The following SMG5 variants were observed in gnomAD, a reference collection of about 807,000 sequenced individuals.
SMG5 encodes the protein SMG5 nonsense mediated mRNA decay factor.
In SMG5, 53 loss-of-function variants were observed where a neutral mutation model predicts 122.9. The observed-to-expected ratio is 0.43, with a 90% CI of 0.35 to 0.54. SMG5 has a LOEUF of 0.54. Among genes scored for constraint, SMG5 ranks in the 20% least tolerant of loss-of-function variants. The pLI is 0.01. For synonymous variants in SMG5, 477 were observed against 490.2 expected, an observed-to-expected ratio of 0.97 and a Z score of 0.35; for missense variants, 1,153 against 1,285.6, an observed-to-expected ratio of 0.90 and a Z score of 1.58.
At chr1:156,268,535 T>A in intron 7 of SMG5, 120 bp from the exon 8 acceptor site, 1 of 1,288,412 alleles carries the variant, frequency 7.8e-7, no homozygotes, top group Non-Finnish European at 1.1e-6. Context: ...AGCTTCCATG[T>A]ACATACGCAG....
intron 13 of SMG5, 29 bp downstream of exon 13, chr1:156,263,366 G>A: frequency 6.3e-7 from 1 of 1,589,550 alleles, no homozygotes; most frequent in South Asian, 1.1e-5. Context: ...CCTGGGACCT[G>A]ACAGGGGCAA....
rs145457977 is a variant in SMG5 at position 156,265,844 on chromosome 1, G to C, written c.1792C>G (p.Pro598Ala). 2 of 1,614,100 alleles carry C rather than the reference G, an allele frequency of 1.2e-6. No homozygotes were observed. Among genetic ancestry groups the C allele is most frequent in the African/African-American group, 2.7e-5 (2 of 74,936 alleles). Residue 598 changes from proline to alanine, a missense_variant, in exon 12 of 22, where the codon CCT becomes GCT. Around this residue, in one of 5 missense-constraint regions of SMG5, gnomAD observed 631 missense variants for 650.6 expected, o/e 0.97. Coordinates refer to ENST00000361813, the MANE Select transcript of SMG5 (RefSeq NM_015327.3). ...SNLLLQPTTN[P>A]HTSASHRPCV... The stretch of plus-strand genomic sequence containing the variant: ...GGCCTGTGGCTGGCCGAGGTATGAG[G>C]GTTGGTGGTGGGCTGGAGGAGCAGG...
In SMG5 at chr1:156,278,000, A is replaced by G; in HGVS notation, c.222T>C (p.Tyr74=). 6.2e-7 allele frequency: 1 copy of G among 1,614,146 alleles called. No individual in the cohort carries two copies. The highest frequency in any genetic ancestry group is 1.1e-5 in the South Asian group (1 of 91,090). The change falls in exon 3 of 22, where the codon TAT becomes TAC. Residue 74 remains tyrosine, a synonymous_variant. Transcript: ENST00000361813. ...VKLMFLHPVD[Y]GRKAEELLWR... ...ACAGCAGCTCCTCAGCCTTTCTCCC[A>G]TAGTCCACTGGGTGCAGGAACATAA...
intron 20 of SMG5, 152 bp downstream of exon 20, chr1:156,251,251 G>T: frequency 1.0e-6 from 1 of 993,980 alleles, no homozygotes; most frequent in Non-Finnish European, 1.6e-6. Flanking sequence ...CGGCAACTTC[G>T]TACTCCTCGC....
chr1:156,290,852 T>C, the SMG5 span: 1 of 83,798 alleles, frequency 1.2e-5, no homozygotes. Context: ...TAATAATAAT[T>C]TAAAAAATCA....
intron 16 of SMG5, among the ~76,000 whole-genome samples, chr1:156,256,954 TCTCG>T (rs1364315571): frequency 1.4e-5 from 2 of 147,360 alleles, no homozygotes; most frequent in East Asian, 4.0e-4. Context: ...CCAGACAGAG[TCTCG>T]CTCTGTCGCT....
In SMG5 at chr1:156,280,103, G is replaced by A. The variant is rs144266594; in HGVS notation, c.75-1069C>T. Among the ~76,000 whole-genome samples, 317 of 152,298 alleles carry A rather than the reference G, an allele frequency of 2.1e-3. 3 individuals are homozygous for A. The highest frequency in any genetic ancestry group is 0.015 in the South Asian group (70 of 4,822). On this transcript the variant is annotated intron_variant, in intron 1 of 21. Transcript: ENST00000361813. ...CTTCTTGTTCTAAGGCTGAGGGGGA[G>A]ACTCCAGGCACTAAGAGGTAAGTCT...
rs559135808 is a variant in SMG5, at chr1:156,260,548, G to C, written c.2186C>G (p.Pro729Arg). 1.9e-6 allele frequency: 3 copies of C among 1,564,404 alleles called. No homozygotes were observed. The African/African-American group carries it at 4.2e-5, about 22-fold the overall frequency. ...LPDLPSSLLL[P>R]EDMALRNLPP... ...CAGGTTACGAAGAGCCATGTCCTCT[G>C]GGAGCAGAAGGCTAGAGGGGAGGTC... The change falls in exon 15 of 22, where the codon CCA becomes CGA. Residue 729 changes from proline (P) to arginine (R), a missense_variant. By Grantham distance (103) the Pro-to-Arg change is moderately radical. Transcript: ENST00000361813.
At chr1:156,284,466 G>C (rs1416331927), upstream of SMG5, 1 of 152,284 alleles carries the variant, frequency 6.6e-6, no homozygotes, top group African/African-American at 2.4e-5. Context: ...ATAAAGGAAG[G>C]GAATCAGTCC....
Position 156,267,467 on chromosome 1 carries a change from T to A in SMG5, c.1117+3A>T. On this transcript the variant is annotated splice_donor_region_variant and intron_variant, in intron 10 of 21. Transcript: ENST00000361813. ...GAGAAAAGAGGAACATAGGGAAGGTTACCTGCTCTCTCCAAGCTGTGCACA... is the reference window on the plus strand; with the variant it reads ...GAGAAAAGAGGAACATAGGGAAGGTAACCTGCTCTCTCCAAGCTGTGCACA... The A allele has an allele frequency of 6.2e-7, 1 of 1,613,996 alleles. No homozygotes were observed. The highest frequency in any genetic ancestry group is 8.5e-7 in the Non-Finnish European group (1 of 1,179,902).
rs1661701941 is a variant in SMG5, at chr1:156,259,127, G to A, written c.2320C>T (p.His774Tyr). 1.2e-6 allele frequency: 2 copies of A among 1,603,710 alleles called. No individual in the cohort carries two copies. The highest frequency in any genetic ancestry group is 8.5e-7 in the Non-Finnish European group (1 of 1,175,238). ...CTGCCTTGCAGGCGGGCGATGAAATGACCAAAGCTGCGGATGCAGCAGATG... is the reference window on the plus strand; with the variant it reads ...CTGCCTTGCAGGCGGGCGATGAAATAACCAAAGCTGCGGATGCAGCAGATG... ...VRICCIRSFG[H>Y]FIARLQGSIL... The change falls in exon 16 of 22, where the codon CAT (histidine) becomes TAT (tyrosine). Residue 774 changes from histidine to tyrosine, a missense_variant. His to Tyr is a moderately conservative substitution (Grantham distance 83). This residue lies in a region of SMG5 where 631 missense variants were observed against 650.6 expected (regional missense o/e 0.97). Coordinates refer to ENST00000361813, the MANE Select transcript of SMG5 (RefSeq NM_015327.3).
In SMG5 at chr1:156,274,688, T is replaced by C; in HGVS notation, c.455-2A>G. The C allele has an allele frequency of 6.2e-7, 1 of 1,613,198 alleles. No homozygotes were observed. The highest frequency in any genetic ancestry group is 1.1e-5 in the South Asian group (1 of 91,062). Reference sequence around the variant, plus strand: ...AGGCAGACACTGGCTTCTTGCATCCTATGAGACAAAGAGAAAGAGATTTGT... The same window carrying C: ...AGGCAGACACTGGCTTCTTGCATCCCATGAGACAAAGAGAAAGAGATTTGT... On this transcript the variant is annotated splice_acceptor_variant, in intron 4 of 21. Coordinates refer to ENST00000361813, the MANE Select transcript of SMG5 (RefSeq NM_015327.3). LOFTEE classifies it high-confidence loss of function.
chr1:156,265,694 TCA>T, intron 12 of SMG5, 85 bp downstream of exon 12: 2 of 1,538,246 alleles, frequency 1.3e-6, no homozygotes, highest in Non-Finnish European at 1.8e-6. Flanking sequence ...GAGAGGTCAT[TCA>T]CACAGATAGG....
chr1:156,265,900 C>T lies in SMG5; in HGVS notation c.1736G>A (p.Arg579His), dbSNP rs376384052. 4.2e-5 allele frequency: 67 copies of T among 1,614,012 alleles called. No homozygotes were observed. Among genetic ancestry groups the T allele is most frequent in the Non-Finnish European group, 5.3e-5 (63 of 1,180,028 alleles). ...AAAGGTGGGGGCCAGTCGGAAGCAGCGCTTAGTCTGGAACATCTGGGTGGA... is the reference window on the plus strand; with the variant it reads ...AAAGGTGGGGGCCAGTCGGAAGCAGTGCTTAGTCTGGAACATCTGGGTGGA... ...AMSTQMFQTKRCFRLAPTFSN... is the reference protein window; with the variant it reads ...AMSTQMFQTKHCFRLAPTFSN... Residue 579 changes from arginine to histidine, a missense_variant, in exon 12 of 22, where the codon CGC becomes CAC. Around this residue, in one of 5 missense-constraint regions of SMG5, gnomAD observed 631 missense variants for 650.6 expected, o/e 0.97. Coordinates refer to ENST00000361813, the MANE Select transcript of SMG5 (RefSeq NM_015327.3).
At chr1:156,253,903 A>G (rs1299372227) in intron 16 of SMG5, 1 of 286,140 alleles carries the variant, frequency 3.5e-6, no homozygotes, top group Non-Finnish European at 7.0e-6. Flanking sequence ...AAAATCTTCC[A>G]AATCTGCAGA....
rs1343651070 is a variant in SMG5 at position 156,282,719 on chromosome 1, C to T, written c.-39G>A. On this transcript the variant is annotated 5_prime_UTR_variant, in exon 1 of 22. Coordinates refer to ENST00000361813, the MANE Select transcript of SMG5 (RefSeq NM_015327.3). ...GGGGGCAGCTCCCGGTCACAGGCCC[C>T]TGCCACCCACCACTACCGCCAACAC... 3.2e-6 allele frequency: 5 copies of T among 1,564,864 alleles called. No individual in the cohort carries two copies. The highest frequency in any genetic ancestry group is 4.3e-6 in the Non-Finnish European group (5 of 1,161,266).
At chr1:156,264,806 AC>A (rs1304387535) in intron 12 of SMG5, among the ~76,000 whole-genome samples, 2 of 152,084 alleles carry the variant, frequency 1.3e-5, no homozygotes, top group Non-Finnish European at 2.9e-5. Context: ...TAGGAAGATC[AC>A]CTAAGGTCAG....
In SMG5 at chr1:156,265,883, G is replaced by C. The variant is rs749148290; in HGVS notation, c.1753C>G (p.Pro585Ala). The change falls in exon 12 of 22, where the codon CCC becomes GCC. Residue 585 changes from proline (P) to alanine (A), a missense_variant. By Grantham distance (27) the Pro-to-Ala change is conservative. Around this residue, in one of 5 missense-constraint regions of SMG5, gnomAD observed 631 missense variants for 650.6 expected, o/e 0.97. Transcript: ENST00000361813. ...FQTKRCFRLA[P>A]TFSNLLLQPT... ...TGGAGGAGCAGGTTGCTAAAGGTGG[G>C]GGCCAGTCGGAAGCAGCGCTTAGTC... 1.2e-6 allele frequency: 2 copies of C among 1,614,082 alleles called. No homozygotes were observed. The highest frequency in any genetic ancestry group is 1.7e-6 in the Non-Finnish European group (2 of 1,180,034).
upstream of SMG5, among the ~76,000 whole-genome samples, chr1:156,284,654 G>A (rs950091080): frequency 6.6e-6 from 1 of 152,178 alleles, no homozygotes; most frequent in African/African-American, 2.4e-5. Context: ...AAGGAAGAGG[G>A]TGCCTGGAAC....
Sources: gnomAD v4.1 joint callset for allele counts (sites outside exome capture counted in the v4.1 genomes callset) on GRCh38, gnomAD v4.1.1 for gene constraint, gnomAD v4.1.1 regional missense constraint, MANE v1.5 for transcripts, NCBI Gene and HGNC (gene_info 2026-07-23, HGNC 2026-07-21) for gene names.